The following EMCN variants were observed in gnomAD, a reference collection of about 807,000 sequenced individuals.
EMCN encodes MUC-14.
A neutral mutation model predicts 38.4 loss-of-function variants in EMCN; 37 were observed. The ratio of observed to expected loss-of-function variants is 0.96; its 90% CI spans 0.74 to 1.27. The LOEUF is 1.27. Among genes scored for constraint, EMCN ranks in the 50% most tolerant of loss-of-function variants. The pLI, the probability that EMCN is intolerant of heterozygous loss-of-function variation, is 0.00. For synonymous variants in EMCN, 95 were observed against 100.8 expected, an observed-to-expected ratio of 0.94 and a Z score of 0.35; for missense variants, 318 against 302.8, an observed-to-expected ratio of 1.05 and a Z score of -0.37.
intron 1 of EMCN, among the ~76,000 whole-genome samples, chr4:100,505,184 C>T (rs1423856330): frequency 2.0e-5 from 3 of 152,106 alleles, no homozygotes; most frequent in African/African-American, 7.2e-5. Context: ...AATATCAGTG[C>T]AGCCTGGCAT....
chr4:100,510,732 C>T (rs1729606044), intron 1 of EMCN, among the ~76,000 whole-genome samples: 2 of 152,152 alleles, frequency 1.3e-5, no homozygotes, highest in South Asian at 4.1e-4. Flanking sequence ...CAAGTTTATA[C>T]AGCTAGTAAG....
At chr4:100,479,776 TA>T (rs1357978478) in intron 2 of EMCN, 140 bp downstream of exon 2, 1 of 685,298 alleles carries the variant, frequency 1.5e-6, no homozygotes, top group Non-Finnish European at 2.2e-6. Flanking sequence ...AAATAACACA[TA>T]ATTTCAAAAT....
chr4:100,465,723 G>A (rs1236019799), intron 3 of EMCN, among the ~76,000 whole-genome samples, 184 bp from the exon 4 acceptor site: 4 of 152,128 alleles, frequency 2.6e-5, no homozygotes, highest in African/African-American at 9.7e-5. Flanking sequence ...AAAGAATGTG[G>A]AGGGACATTA....
At chr4:100,459,210 TC>T in intron 4 of EMCN, among the ~76,000 whole-genome samples, 1 of 47,546 alleles carries the variant, frequency 2.1e-5, no homozygotes, top group African/African-American at 1.1e-4. Flanking sequence ...TCTCTCTCTC[TC>T]TCTCTCTCTC....
intron 1 of EMCN, chr4:100,486,886 G>A (rs948111389): frequency 2.0e-6 from 2 of 985,264 alleles, no homozygotes; most frequent in East Asian, 2.3e-4. Flanking sequence ...AAAAGTACGG[G>A]GCCATGCAGT....
intron 2 of EMCN, among the ~76,000 whole-genome samples, chr4:100,477,170 T>C (rs1728683209): frequency 6.6e-6 from 1 of 152,224 alleles, no homozygotes; most frequent in Non-Finnish European, 1.5e-5. Flanking sequence ...GAAACTTTTA[T>C]TCCTGCATTA....
At chr4:100,470,387 A>G (rs1344740902) in intron 3 of EMCN, among the ~76,000 whole-genome samples, 1 of 151,370 alleles carries the variant, frequency 6.6e-6, no homozygotes, top group Non-Finnish European at 1.5e-5. Context: ...TTAAAAAAAA[A>G]AACAGGTGCC....
intron 5 of EMCN, among the ~76,000 whole-genome samples, chr4:100,444,323 T>C (rs992859037): frequency 3.9e-5 from 6 of 152,166 alleles, no homozygotes; most frequent in Non-Finnish European, 8.8e-5. Context: ...GGTACTACAT[T>C]AGCTATGGCA....
chr4:100,489,713 A>G (rs547467156), intron 1 of EMCN, among the ~76,000 whole-genome samples: 10 of 152,264 alleles, frequency 6.6e-5, no homozygotes, highest in Middle Eastern at 3.4e-3. Flanking sequence ...CATACAGTCA[A>G]CCCTCTATAT....
intron 11 of EMCN, among the ~76,000 whole-genome samples, chr4:100,404,246 G>A (rs186392397): frequency 3.0e-4 from 45 of 152,092 alleles, no homozygotes; most frequent in Admixed American, 1.1e-3. Flanking sequence ...TAAAAGGTAA[G>A]GATCCAGTTT....
chr4:100,403,797 T>C (rs1330968515), intron 11 of EMCN, among the ~76,000 whole-genome samples: 1 of 152,050 alleles, frequency 6.6e-6, no homozygotes, highest in African/African-American at 2.4e-5. Context: ...CTCATTATGG[T>C]TTTGATTTGC....
intron 5 of EMCN, among the ~76,000 whole-genome samples, chr4:100,445,291 T>A (rs930528458): frequency 1.3e-5 from 2 of 152,204 alleles, no homozygotes; most frequent in African/African-American, 4.8e-5. Flanking sequence ...AAATACTATA[T>A]CTATGTACAA....
At chr4:100,446,519 T>TTTTCTAATTTTTAA (rs1560618292) in intron 5 of EMCN, among the ~76,000 whole-genome samples, 1 of 151,816 alleles carries the variant, frequency 6.6e-6, no homozygotes, top group African/African-American at 2.4e-5. Context: ...AATTTTTTTA[T>TTTTCTAATTTTTAA]TTTTCTAATT....
chr4:100,517,728 C>G, intron 1 of EMCN, 123 bp downstream of exon 1: 1 of 872,340 alleles, frequency 1.1e-6, no homozygotes, highest in East Asian at 2.4e-5. Flanking sequence ...TCCAAACACT[C>G]AACTCATCAA....
intron 1 of EMCN, among the ~76,000 whole-genome samples, chr4:100,504,701 G>A (rs185288117): frequency 2.6e-5 from 4 of 152,334 alleles, no homozygotes; most frequent in African/African-American, 9.6e-5. Context: ...CTGGGAAGAC[G>A]CCTTTTGCCA....
chr4:100,514,990 T>C (rs1299379568), intron 1 of EMCN, among the ~76,000 whole-genome samples: 2 of 152,146 alleles, frequency 1.3e-5, no homozygotes, highest in African/African-American at 4.8e-5. Context: ...ATATTTAGCA[T>C]GGAGTCTGCT....
chr4:100,427,017 G>T (rs1727065929), intron 5 of EMCN, among the ~76,000 whole-genome samples: 1 of 151,878 alleles, frequency 6.6e-6, no homozygotes, highest in East Asian at 1.9e-4. Context: ...TTAGTTAAAA[G>T]AAATCTTGGG....
intron 8 of EMCN, among the ~76,000 whole-genome samples, chr4:100,420,315 T>A (rs1273096617): frequency 1.3e-5 from 2 of 150,818 alleles, no homozygotes; most frequent in Non-Finnish European, 3.0e-5. Context: ...TTCATTCTGC[T>A]TGAAGAAGTG....
intron 10 of EMCN, among the ~76,000 whole-genome samples, chr4:100,412,590 T>C (rs937158694): frequency 3.9e-5 from 6 of 152,178 alleles, no homozygotes; most frequent in Non-Finnish European, 8.8e-5. Context: ...CATACATTTT[T>C]TAGTCAATCA....
Sources: gnomAD v4.1 joint callset for allele counts (sites outside exome capture counted in the v4.1 genomes callset) on GRCh38, gnomAD v4.1.1 for gene constraint, MANE v1.5 for transcripts, NCBI Gene and HGNC (gene_info 2026-07-23, HGNC 2026-07-21) for gene names.